The following SUGCT variants were observed in gnomAD, a reference collection of about 807,000 sequenced individuals.
SUGCT encodes succinyl-CoA:glutarate CoA-transferase.
In SUGCT, 41 loss-of-function variants were observed where a neutral mutation model predicts 55.0. The ratio of observed to expected loss-of-function variants is 0.74; its 90% CI spans 0.58 to 0.97. The LOEUF is 0.97. SUGCT is among the 50% of genes least tolerant of loss of function. The pLI is 0.00. For missense variants in SUGCT, 568 were observed against 547.8 expected, an observed-to-expected ratio of 1.04 and a Z score of -0.37; for synonymous variants, 187 against 200.4, an observed-to-expected ratio of 0.93 and a Z score of 0.56.
the SUGCT span, among the ~76,000 whole-genome samples, chr7:40,920,676 AATTGTTG>A: frequency 3.3e-5 from 5 of 152,080 alleles, no homozygotes; most frequent in African/African-American, 4.8e-5. Context: ...CATCCTCCCA[AATTGTTG>A]ATTGGCAGAT....
chr7:40,542,433 A>G (rs771352173), intron 12 of SUGCT, among the ~76,000 whole-genome samples: 4 of 152,144 alleles, frequency 2.6e-5, no homozygotes, highest in Admixed American at 6.5e-5. Flanking sequence ...ATCCCTGTCA[A>G]TGTAGATGCA....
chr7:41,030,803 G>A, the SUGCT span, among the ~76,000 whole-genome samples: 1 of 152,150 alleles, frequency 6.6e-6, no homozygotes, highest in Non-Finnish European at 1.5e-5. Context: ...TGAGTTGTGG[G>A]AGTAGCCCAG....
chr7:40,942,505 A>G, the SUGCT span, among the ~76,000 whole-genome samples: 3 of 152,020 alleles, frequency 2.0e-5, no homozygotes, highest in Non-Finnish European at 2.9e-5. Context: ...TTTCCTTTAC[A>G]TTGAGTTTAG....
chr7:40,436,950 C>A (rs1486489329), intron 9 of SUGCT, among the ~76,000 whole-genome samples: 1 of 152,018 alleles, frequency 6.6e-6, no homozygotes, highest in African/African-American at 2.4e-5. Context: ...CTGCTTTTGG[C>A]AGGCTATTCA....
At chr7:40,252,001 C>T (rs960823401) in intron 7 of SUGCT, among the ~76,000 whole-genome samples, 38 of 151,560 alleles carry the variant, frequency 2.5e-4, no homozygotes, top group African/African-American at 8.0e-4. Flanking sequence ...TAGAATTCTG[C>T]CTTAATGTGT....
intron 6 of SUGCT, among the ~76,000 whole-genome samples, chr7:40,204,542 T>G (rs1181793501): frequency 6.6e-6 from 1 of 152,066 alleles, no homozygotes; most frequent in Non-Finnish European, 1.5e-5. Flanking sequence ...GGCCTCGTGA[T>G]CTGCCCGCCT....
At chr7:40,791,559 C>T (rs1790311998) in intron 13 of SUGCT, among the ~76,000 whole-genome samples, 1 of 152,108 alleles carries the variant, frequency 6.6e-6, no homozygotes, top group African/African-American at 2.4e-5. Context: ...TAATGTTGCA[C>T]ATTAGAATTT....
At chr7:40,930,637 A>G in the SUGCT span, among the ~76,000 whole-genome samples, 1 of 152,272 alleles carries the variant, frequency 6.6e-6, no homozygotes, top group Non-Finnish European at 1.5e-5. Context: ...GGTCCTTCAC[A>G]TCCCTTGTAA....
chr7:40,798,363 T>C (rs1790648956), intron 13 of SUGCT, among the ~76,000 whole-genome samples: 1 of 152,190 alleles, frequency 6.6e-6, no homozygotes, highest in Admixed American at 6.5e-5. Context: ...CTGTTGGTTC[T>C]ATGGTGCACT....
chr7:40,148,361 C>T (rs995393206), intron 1 of SUGCT, among the ~76,000 whole-genome samples: 13 of 152,074 alleles, frequency 8.5e-5, no homozygotes, highest in African/African-American at 3.1e-4. Flanking sequence ...AAGGTAAAAC[C>T]TGGCCGGGCG....
intron 11 of SUGCT, among the ~76,000 whole-genome samples, chr7:40,469,450 A>G (rs755759085): frequency 6.6e-6 from 1 of 152,210 alleles, no homozygotes; most frequent in Non-Finnish European, 1.5e-5. Context: ...TTTATGTGGT[A>G]CATTTTCTGA....
chr7:40,771,157 T>C (rs1162676967), intron 13 of SUGCT, among the ~76,000 whole-genome samples: 4 of 152,202 alleles, frequency 2.6e-5, no homozygotes, highest in Admixed American at 2.6e-4. Context: ...GCTGTGTGTG[T>C]ATGTTTTGTT....
chr7:40,284,272 A>G (rs1793166919), intron 8 of SUGCT, among the ~76,000 whole-genome samples: 1 of 152,058 alleles, frequency 6.6e-6, no homozygotes, highest in Non-Finnish European at 1.5e-5. Context: ...ATTTCGTAAG[A>G]GATTAGATCT....
At chr7:40,950,121 T>C in the SUGCT span, among the ~76,000 whole-genome samples, 2 of 152,350 alleles carry the variant, frequency 1.3e-5, no homozygotes, top group South Asian at 4.1e-4. Context: ...TTGTATCTTC[T>C]TCTATTTCAT....
At chr7:40,681,985 G>A (rs1225256957) in intron 12 of SUGCT, among the ~76,000 whole-genome samples, 2 of 152,160 alleles carry the variant, frequency 1.3e-5, no homozygotes, top group African/African-American at 4.8e-5. Context: ...TGCATGTGAA[G>A]ATATCTTGAG....
the SUGCT span, among the ~76,000 whole-genome samples, chr7:40,954,705 C>T: frequency 2.6e-5 from 4 of 152,154 alleles, no homozygotes; most frequent in Non-Finnish European, 5.9e-5. Context: ...GTCATGAAGT[C>T]TTTACCCATG....
chr7:40,760,688 A>C (rs949435422), intron 13 of SUGCT, among the ~76,000 whole-genome samples: 3 of 152,096 alleles, frequency 2.0e-5, no homozygotes, highest in African/African-American at 7.2e-5. Context: ...TGTAGAATGC[A>C]TGTGTGGTGT....
the SUGCT span, among the ~76,000 whole-genome samples, chr7:40,879,671 T>G: frequency 6.6e-6 from 1 of 152,338 alleles, no homozygotes; most frequent in African/African-American, 2.4e-5. Context: ...CATATTACAT[T>G]TACCTGTTTT....
intron 12 of SUGCT, chr7:40,683,920 A>G (rs1475159978): frequency 7.9e-7 from 1 of 1,259,634 alleles, no homozygotes; most frequent in Non-Finnish European, 1.1e-6. Context: ...GCTAAAATCA[A>G]GGTGCTGGCA....
Sources: gnomAD v4.1 joint callset for allele counts (sites outside exome capture counted in the v4.1 genomes callset) on GRCh38, gnomAD v4.1.1 for gene constraint, MANE v1.5 for transcripts, NCBI Gene and HGNC (gene_info 2026-07-23, HGNC 2026-07-21) for gene names.